Variants in MTAP observed in about 807,000 individuals in gnomAD.
MTAP encodes the protein S-methyl-5'-thioadenosine phosphorylase.
MTAP carries 33 observed loss-of-function variants against 33.6 expected under a neutral mutation model. That is an observed-to-expected ratio of 0.98 (90% CI 0.74 to 1.31). MTAP has a LOEUF of 1.31. MTAP is among the 40% of genes most tolerant of loss of function. The pLI is 0.00. For synonymous variants in MTAP, 148 were observed against 125.7 expected, an observed-to-expected ratio of 1.18 and a Z score of -1.19; for missense variants, 367 against 360.0, an observed-to-expected ratio of 1.02 and a Z score of -0.16.
chr9:21,817,673 G>A (rs1824518119), intron 3 of MTAP, among the ~76,000 whole-genome samples: 1 of 152,002 alleles, frequency 6.6e-6, no homozygotes, highest in Admixed American at 6.5e-5. Context: ...AGTCCGGCAG[G>A]AGAATCTCCT....
chr9:21,836,513 CAT>C (rs1157153273), intron 4 of MTAP, among the ~76,000 whole-genome samples: 1 of 152,032 alleles, frequency 6.6e-6, no homozygotes, highest in Non-Finnish European at 1.5e-5. Flanking sequence ...CTGTTCATAT[CAT>C]AGTTATAAGT....
intron 1 of MTAP, among the ~76,000 whole-genome samples, chr9:21,809,157 C>G (rs1349921127): frequency 6.6e-6 from 1 of 152,196 alleles, no homozygotes; most frequent in African/African-American, 2.4e-5. Context: ...CCTCATTTGA[C>G]CTTCTTGCCT....
At chr9:21,910,207 G>A (rs1000377516) in intron 1 of MTAP, among the ~76,000 whole-genome samples, 2 of 152,024 alleles carry the variant, frequency 1.3e-5, no homozygotes, top group South Asian at 2.1e-4. Flanking sequence ...CTTACAATGG[G>A]CCAGGCATTG....
rs555119878 is a variant in MTAP at position 21,895,223 on chromosome 9, G to A, written c.148-35785G>A. The stretch of plus-strand genomic sequence containing the variant: ...GAAAAAGCCAGAATAACCAAAGCAA[G>A]CCTAAGCAAAATGAACAAAGCTAGA... On this transcript the variant is annotated intron_variant, in intron 1 of 1. Coordinates refer to the MTAP transcript ENST00000577563. Among the ~76,000 whole-genome samples, 214 of 152,240 alleles carry A rather than the reference G, an allele frequency of 1.4e-3. 2 individuals carry two copies. In the Middle Eastern group the frequency reaches 0.027, roughly 19 times the overall value.
At chr9:21,861,242 A>G (rs750850668) in intron 7 of MTAP, 6 of 151,996 alleles carry the variant, frequency 3.9e-5, no homozygotes, top group Non-Finnish European at 8.8e-5. Context: ...AAATTGTGTG[A>G]TTTTATTTGT....
At chr9:21,892,929 G>T (rs886899698) in intron 1 of MTAP, 4 of 151,918 alleles carry the variant, frequency 2.6e-5, no homozygotes, top group African/African-American at 9.7e-5. Flanking sequence ...CTACACTCTC[G>T]GACCACAGTG....
At chr9:21,824,091 C>T (rs989127369) in intron 4 of MTAP, among the ~76,000 whole-genome samples, 1 of 152,108 alleles carries the variant, frequency 6.6e-6, no homozygotes, top group African/African-American at 2.4e-5. Context: ...TTGTCTGAAG[C>T]CTTCTCTCAA....
chr9:21,896,392 C>T (rs1443729366), intron 1 of MTAP, among the ~76,000 whole-genome samples: 1 of 152,034 alleles, frequency 6.6e-6, no homozygotes, highest in Non-Finnish European at 1.5e-5. Context: ...AAGATCAGAG[C>T]AACTAAAGGA....
intron 1 of MTAP, chr9:21,808,801 T>C (rs1824273599): frequency 6.6e-6 from 1 of 152,108 alleles, no homozygotes; most frequent in South Asian, 2.1e-4. Context: ...AATTACCCTA[T>C]CTCAGGTATT....
intron 5 of MTAP, among the ~76,000 whole-genome samples, chr9:21,848,532 G>A (rs58570889): frequency 0.093 from 14,176 of 152,120 alleles, 871 homozygotes; most frequent in East Asian, 0.25. Context: ...GGATTAAAAG[G>A]TGGCCCACTG....
rs1292959582 is a variant in MTAP at position 21,818,109 on chromosome 9, G to A, written c.254G>A (p.Gly85Asp). Residue 85 changes from glycine (G) to aspartate (D), a missense_variant, in exon 4 of 8, where the codon GGC (glycine) becomes GAC (aspartate). Gly to Asp is a moderately conservative substitution (Grantham distance 94, BLOSUM62 -1). Coordinates refer to ENST00000644715, the MANE Select transcript of MTAP (RefSeq NM_002451.4). ...AACATCTGGGCTTTGAAGGAAGAGG[G>A]CTGTACACATGTCATAGTGACCACA... is the stretch of plus-strand genomic sequence containing the variant. ...QANIWALKEE[G>D]CTHVIVTTAC... 10 of 1,613,864 alleles carry A rather than the reference G, an allele frequency of 6.2e-6. No individual in the cohort carries two copies. The highest frequency in any genetic ancestry group is 1.3e-5 in the African/African-American group (1 of 74,852).
intron 4 of MTAP, among the ~76,000 whole-genome samples, chr9:21,823,723 A>C (rs1327348826): frequency 6.6e-6 from 1 of 152,078 alleles, no homozygotes; most frequent in African/African-American, 2.4e-5. Context: ...ACTTGGTTCC[A>C]TTCTCTCTGT....
chr9:21,882,976 G>GA (rs56365328), intron 1 of MTAP, among the ~76,000 whole-genome samples: 13,281 of 150,780 alleles, frequency 0.088, 797 homozygotes, highest in Non-Finnish European at 0.13. Flanking sequence ...TTTTCAAAAA[G>GA]AAAAAAAATT....
chr9:21,824,754 T>C (rs1284739363), intron 4 of MTAP, among the ~76,000 whole-genome samples: 1 of 152,168 alleles, frequency 6.6e-6, no homozygotes, highest in Admixed American at 6.5e-5. Context: ...TCCACCCAGT[T>C]AGAGCTTCCC....
In MTAP at chr9:21,864,019, G is replaced by A. The variant is rs1825806143; in HGVS notation, c.*2005G>A. ...TCTCTAGCTCTGGTAACGTGTGATTGTTTTCACTACAATATGATACATAGA... is the reference window on the plus strand; with the variant it reads ...TCTCTAGCTCTGGTAACGTGTGATTATTTTCACTACAATATGATACATAGA... On this transcript the variant is annotated 3_prime_UTR_variant, in exon 8 of 8. Transcript: ENST00000644715. 2 of 985,470 alleles carry A rather than the reference G, an allele frequency of 2.0e-6. No homozygotes were observed. Among genetic ancestry groups the A allele is most frequent in the Non-Finnish European group, 1.2e-6 (1 of 829,926 alleles). 61.0% of individuals were successfully genotyped at this position (985,470 alleles called of 1,614,324 possible). A position where few individuals can be genotyped will look rare whatever the true frequency, so the allele number is the denominator to read the frequency against.
chr9:21,803,036 A>ACACACACACACACACACACACC (rs1020757334), intron 1 of MTAP: 44 of 1,039,898 alleles, frequency 4.2e-5, no homozygotes, highest in African/African-American at 1.6e-4. Context: ...ACACACACAC[A>ACACACACACACACACACACACC]CCACCTTTTG....
intron 1 of MTAP, chr9:21,929,488 G>C (rs1175594496): frequency 4.1e-6 from 1 of 241,058 alleles, no homozygotes; most frequent in African/African-American, 2.2e-5. Flanking sequence ...CATACTCAAC[G>C]CTTTACTGGC....
chr9:21,837,793 T>A lies in MTAP; in HGVS notation c.348-115T>A. 6.6e-6 allele frequency: 5 copies of A among 759,736 alleles called. 1 individual carries two copies. 47.1% of individuals were successfully genotyped at this position (759,736 alleles called of 1,614,324 possible). ...CTTTAGCTTATCCAGAGGAATTGAG[T>A]CTGGAGTAAAGACCCAAATATTGAC... On this transcript the variant is annotated intron_variant, in intron 4 of 7. Transcript: ENST00000644715.
rs1825784908 is a variant in MTAP at position 21,863,053 on chromosome 9, G to A, written c.*1039G>A. 3.0e-6 allele frequency: 3 copies of A among 985,338 alleles called. No individual in the cohort carries two copies. The highest frequency in any genetic ancestry group is 3.6e-6 in the Non-Finnish European group (3 of 829,874). The allele number at this position is 985,338 out of a possible 1,614,324, so 61.0% of individuals were successfully genotyped here. A position where few individuals can be genotyped will look rare whatever the true frequency, so the allele number is the denominator to read the frequency against. On this transcript the variant is annotated 3_prime_UTR_variant, in exon 8 of 8. Coordinates refer to ENST00000644715, the MANE Select transcript of MTAP (RefSeq NM_002451.4). The stretch of plus-strand genomic sequence containing the variant: ...TACATCTTTATTCTGCTAAAGAAGA[G>A]GATCATTGATTTCTGTACAGTCAGA...
Sources: gnomAD v4.1 joint callset for allele counts (sites outside exome capture counted in the v4.1 genomes callset) on GRCh38, gnomAD v4.1.1 for gene constraint, MANE v1.5 for transcripts, NCBI Gene and HGNC (gene_info 2026-07-23, HGNC 2026-07-21) for gene names.